The following SASH1 variants were observed in gnomAD, a reference collection of about 807,000 sequenced individuals.
SASH1 encodes the protein SAM and SH3 domain-containing protein 1.
A neutral mutation model predicts 125.2 loss-of-function variants in SASH1; 44 were observed. The ratio of observed to expected loss-of-function variants is 0.35; its 90% CI spans 0.28 to 0.45. The LOEUF is 0.45. Ranked by LOEUF, SASH1 falls within the 20% of genes least tolerant of loss-of-function variation. The pLI, the probability that SASH1 is intolerant of heterozygous loss-of-function variation, is 1.00. For synonymous variants in SASH1, 639 were observed against 649.1 expected, an observed-to-expected ratio of 0.98 and a Z score of 0.24; for missense variants, 1,426 against 1,614.5, an observed-to-expected ratio of 0.88 and a Z score of 2.00.
At chr6:148,443,481 T>A (rs1044400918) in intron 4 of SASH1, among the ~76,000 whole-genome samples, 2 of 134,824 alleles carry the variant, frequency 1.5e-5, no homozygotes, top group African/African-American at 5.6e-5. Context: ...TTATATATTT[T>A]TATATATATT....
intron 2 of SASH1, among the ~76,000 whole-genome samples, chr6:148,428,257 C>A (rs1768326): frequency 0.18 from 27,374 of 152,108 alleles, 3,039 homozygotes; most frequent in African/African-American, 0.31. Context: ...TAACACTGAA[C>A]TAAGTTACTT....
chr6:148,361,611 A>T (rs1353990353), intron 1 of SASH1, among the ~76,000 whole-genome samples: 1 of 145,738 alleles, frequency 6.9e-6, no homozygotes, highest in East Asian at 2.0e-4. Flanking sequence ...AAAAAAAAAA[A>T]GGAAAGGGAA....
At chr6:148,542,531 C>T (rs1482797853) in intron 17 of SASH1, among the ~76,000 whole-genome samples, 2 of 152,190 alleles carry the variant, frequency 1.3e-5, no homozygotes, top group African/African-American at 2.4e-5. Flanking sequence ...GGACTACAGG[C>T]GCCTGCCACC....
chr6:148,410,560 G>A (rs922558429), intron 2 of SASH1, among the ~76,000 whole-genome samples: 2 of 152,078 alleles, frequency 1.3e-5, no homozygotes, highest in Non-Finnish European at 2.9e-5. Flanking sequence ...ATCCCAGAAA[G>A]TTCTTAAAGT....
chr6:148,448,008 G>A (rs1016239826), intron 4 of SASH1, among the ~76,000 whole-genome samples: 6 of 152,042 alleles, frequency 3.9e-5, no homozygotes, highest in African/African-American at 1.4e-4. Flanking sequence ...CAGCTCTGGG[G>A]TTGGCCCCTC....
the SASH1 span, among the ~76,000 whole-genome samples, chr6:148,215,018 G>A: frequency 6.6e-6 from 1 of 152,118 alleles, no homozygotes; most frequent in Non-Finnish European, 1.5e-5. Flanking sequence ...AGTCTGGCGG[G>A]CTCGTTCCTA....
At chr6:148,372,660 CT>C in intron 1 of SASH1, among the ~76,000 whole-genome samples, 2 of 152,220 alleles carry the variant, frequency 1.3e-5, no homozygotes, top group Middle Eastern at 6.8e-3. Context: ...AGCTTAGTGC[CT>C]GGCAAGGTGC....
intron 5 of SASH1, 47 bp from the exon 6 acceptor site, chr6:148,471,370 G>C (rs1258688042): frequency 5.5e-6 from 6 of 1,095,116 alleles, no homozygotes; most frequent in Non-Finnish European, 7.5e-6. Flanking sequence ...TGAATTTATT[G>C]CTTGTGCTTT....
intron 1 of SASH1, among the ~76,000 whole-genome samples, chr6:148,336,140 T>C (rs1053089452): frequency 6.7e-6 from 1 of 149,306 alleles, no homozygotes. Context: ...TGTCTTGACC[T>C]CATTACATTT....
intron 8 of SASH1, among the ~76,000 whole-genome samples, chr6:148,493,154 G>C (rs1357171601): frequency 6.6e-6 from 1 of 152,194 alleles, no homozygotes; most frequent in African/African-American, 2.4e-5. Context: ...TATTTTGCTA[G>C]CTGACTTTCT....
intron 1 of SASH1, among the ~76,000 whole-genome samples, chr6:148,367,477 C>A (rs1782517265): frequency 6.6e-6 from 1 of 152,240 alleles, no homozygotes; most frequent in Non-Finnish European, 1.5e-5. Context: ...GGAAACAGAA[C>A]AAAACACATT....
intron 4 of SASH1, among the ~76,000 whole-genome samples, chr6:148,451,439 C>G (rs957182367): frequency 1.3e-5 from 2 of 152,150 alleles, no homozygotes; most frequent in Non-Finnish European, 2.9e-5. Context: ...AAGGGTTGCC[C>G]CCCTTTTCTT....
the SASH1 span, among the ~76,000 whole-genome samples, chr6:148,242,774 A>C: frequency 6.6e-6 from 1 of 152,192 alleles, no homozygotes; most frequent in African/African-American, 2.4e-5. Flanking sequence ...CCGTTGGTTC[A>C]TCTACAGATA....
At chr6:148,516,777 C>G (rs1780468735) in intron 9 of SASH1, among the ~76,000 whole-genome samples, 1 of 152,104 alleles carries the variant, frequency 6.6e-6, no homozygotes, top group Non-Finnish European at 1.5e-5. Flanking sequence ...CTCAGCCAGC[C>G]AGCAGAAGGC....
the SASH1 span, among the ~76,000 whole-genome samples, chr6:148,245,323 G>A: frequency 6.6e-6 from 1 of 152,124 alleles, no homozygotes; most frequent in Non-Finnish European, 1.5e-5. Flanking sequence ...AATAAAATCG[G>A]TTCTTGGTAT....
chr6:148,232,667 T>A, the SASH1 span, among the ~76,000 whole-genome samples: 1 of 152,152 alleles, frequency 6.6e-6, no homozygotes, highest in Admixed American at 6.5e-5. Flanking sequence ...GAAGACAAAG[T>A]ATTAAATCTC....
chr6:148,302,375 A>G lies in SASH1; in HGVS notation n.74+29998A>G, dbSNP rs1222947116. Among the ~76,000 whole-genome samples, 4 of 150,744 alleles carry G rather than the reference A, an allele frequency of 2.7e-5. No homozygotes were observed. In the East Asian group the frequency reaches 7.9e-4, roughly 30 times the overall value. On this transcript the variant is annotated intron_variant and non_coding_transcript_variant, in intron 1 of 3. Transcript: ENST00000367469. Reference sequence around the variant, plus strand: ...ATTATGACCTTGGTTAATAGAGACTAAGTGAGAGGTAGAGAAGGTAAGTAA... The same window carrying G: ...ATTATGACCTTGGTTAATAGAGACTGAGTGAGAGGTAGAGAAGGTAAGTAA...
At chr6:148,387,664 CTTT>C (rs1562371649) in intron 1 of SASH1, among the ~76,000 whole-genome samples, 1 of 62,528 alleles carries the variant, frequency 1.6e-5, no homozygotes, top group Non-Finnish European at 2.9e-5. Flanking sequence ...TTCTTTCTTT[CTTT>C]CTTTCTTTCT....
upstream of SASH1, chr6:148,272,178 G>A (rs1038761651): frequency 3.3e-5 from 8 of 246,126 alleles, no homozygotes; most frequent in South Asian, 1.5e-4. Flanking sequence ...CTCTCTTATC[G>A]TCCTGAAGGC....
Sources: allele counts gnomAD v4.1 joint callset (sites outside exome capture counted in the v4.1 genomes callset), GRCh38; gene constraint gnomAD v4.1.1; transcripts MANE v1.5; gene names NCBI Gene and HGNC (gene_info 2026-07-23, HGNC 2026-07-21).